The following FGF11 variants were observed in gnomAD, a reference collection of about 807,000 sequenced individuals.
FGF11 encodes the protein fibroblast growth factor 11.
FGF11 carries 25 observed loss-of-function variants against 25.1 expected under a neutral mutation model. The observed-to-expected ratio is 1.00, with a 90% CI of 0.73 to 1.39. The LOEUF (loss-of-function observed/expected upper bound fraction) is 1.39. Ranked by LOEUF, FGF11 falls within the 40% of genes most tolerant of loss-of-function variation. The pLI is 0.00. For synonymous variants in FGF11, 130 were observed against 128.9 expected, an observed-to-expected ratio of 1.01 and a Z score of -0.06; for missense variants, 320 against 311.0, an observed-to-expected ratio of 1.03 and a Z score of -0.22.
rs200684010 is a variant in FGF11, at chr17:7,442,705, G to A, written c.520G>A (p.Gly174Ser). 6.8e-6 allele frequency: 11 copies of A among 1,614,084 alleles called. No individual in the cohort carries two copies. Among genetic ancestry groups the A allele is most frequent in the Admixed American group, 5.0e-5 (3 of 60,008 alleles). Residue 174 changes from glycine (G) to serine (S), a missense_variant, in exon 4 of 5, where the codon GGC becomes AGC. Gly to Ser is a moderately conservative substitution (Grantham distance 56). Coordinates refer to ENST00000293829, the MANE Select transcript of FGF11 (RefSeq NM_004112.4). ...QRRSGRAWYL[G>S]LDKEGQVMKG... Reference sequence around the variant, plus strand: ...TCGTTCTGGCCGGGCCTGGTACCTCGGCCTGGACAAGGAGGGCCAGGTCAT... The same window carrying A: ...TCGTTCTGGCCGGGCCTGGTACCTCAGCCTGGACAAGGAGGGCCAGGTCAT...
At chr17:7,441,359 G>T in intron 1 of FGF11, 112 bp from the exon 2 acceptor site, 1 of 1,446,028 alleles carries the variant, frequency 6.9e-7, no homozygotes. Flanking sequence ...CTGGGGCCCT[G>T]GGACCCTCTT....
Position 7,440,815 on chromosome 17 carries a change from T to C in FGF11, c.194-656T>C, listed in dbSNP as rs1908288293. 1 of 987,454 alleles carries C rather than the reference T, an allele frequency of 1.0e-6. No homozygotes were observed. The highest frequency in any genetic ancestry group is 1.2e-6 in the Non-Finnish European group (1 of 831,304). 61.2% of individuals were successfully genotyped at this position (987,454 alleles called of 1,614,324 possible). A position where few individuals can be genotyped will look rare whatever the true frequency, so the allele number is the denominator to read the frequency against. On this transcript the variant is annotated intron_variant, in intron 1 of 4. Transcript: ENST00000293829. This position sits in a 1 kb window ranked among gnomAD's most constrained non-coding sequence, Gnocchi z 5.4. ...CCTCAGCTCCCACCCCCCATATCCT[T>C]GGTAAGGTCCCCCTTACCCCAGGCG...
chr17:7,443,414 C>T lies in FGF11; in HGVS notation c.*268C>T, dbSNP rs1405285794. Reference sequence around the variant, plus strand: ...GATCACTTCTTTCTTTCCACACTCACACAACGCCATGCCTTTTCCTGAGAT... The same window carrying T: ...GATCACTTCTTTCTTTCCACACTCATACAACGCCATGCCTTTTCCTGAGAT... On this transcript the variant is annotated 3_prime_UTR_variant, in exon 5 of 5. Coordinates refer to ENST00000293829, the MANE Select transcript of FGF11 (RefSeq NM_004112.4). 7.0e-6 allele frequency: 3 copies of T among 430,568 alleles called. No homozygotes were observed. The highest frequency in any genetic ancestry group is 5.1e-5 in the South Asian group (1 of 19,690). 26.7% of individuals were successfully genotyped at this position (430,568 alleles called of 1,614,324 possible).
At chr17:7,439,392 T>C (rs920110688), upstream of FGF11, 2 of 424,816 alleles carry the variant, frequency 4.7e-6, no homozygotes, top group African/African-American at 2.2e-5. Context: ...GAGGAGTACA[T>C]AGGCTGCTGG....
intron 3 of FGF11, 135 bp from the exon 4 acceptor site, chr17:7,442,459 T>G: frequency 1.3e-6 from 2 of 1,529,246 alleles, no homozygotes; most frequent in Non-Finnish European, 8.8e-7. Flanking sequence ...TGCTCCCAGG[T>G]CCTACATGGA....
upstream of FGF11, chr17:7,439,491 A>T: frequency 3.0e-6 from 2 of 660,746 alleles, no homozygotes; most frequent in Non-Finnish European, 4.6e-6. Context: ...GCTTATCCTC[A>T]GGTCCTGTGG....
chr17:7,441,057 T>A (rs1202271867), intron 1 of FGF11: 6 of 680,980 alleles, frequency 8.8e-6, no homozygotes, highest in African/African-American at 1.9e-5. Flanking sequence ...GGAGAGCCCC[T>A]ACCCTGTGGT....
upstream of FGF11, among the ~76,000 whole-genome samples, chr17:7,438,867 G>C (rs1300081657): frequency 6.6e-6 from 1 of 152,218 alleles, no homozygotes; most frequent in Non-Finnish European, 1.5e-5. Flanking sequence ...GGTGGATTTG[G>C]AGGTGACTTC....
rs1394665797 is a variant in FGF11 at position 7,444,436 on chromosome 17, T to A, written c.*1290T>A. Reference sequence around the variant, plus strand: ...GGACAAATGGATACAGCCTTGACCCTCCCAGTGAGGAGACCCCAATTCAGC... The same window carrying A: ...GGACAAATGGATACAGCCTTGACCCACCCAGTGAGGAGACCCCAATTCAGC... On this transcript the variant is annotated 3_prime_UTR_variant, in exon 5 of 5. Transcript: ENST00000293829. The A allele has an allele frequency of 6.5e-6, 1 of 153,044 alleles. No homozygotes were observed. The highest frequency in any genetic ancestry group is 1.5e-5 in the Non-Finnish European group (1 of 68,500). 9.5% of individuals were successfully genotyped at this position (153,044 alleles called of 1,614,324 possible). A position where few individuals can be genotyped will look rare whatever the true frequency, so the allele number is the denominator to read the frequency against.
intron 1 of FGF11, chr17:7,441,022 G>A: frequency 2.2e-6 from 2 of 922,062 alleles, no homozygotes; most frequent in Non-Finnish European, 2.6e-6. Flanking sequence ...TCAGCGTCAG[G>A]CCCAGTCCCA....
rs931322697 is a variant in FGF11 at position 7,440,457 on chromosome 17, C to T, written c.193+644C>T. 6.1e-6 allele frequency: 1 copy of T among 163,318 alleles called. No homozygotes were observed. The highest frequency in any genetic ancestry group is 2.4e-5 in the African/African-American group (1 of 41,518). 10.1% of individuals were successfully genotyped at this position (163,318 alleles called of 1,614,324 possible). A position where few individuals can be genotyped will look rare whatever the true frequency, so the allele number is the denominator to read the frequency against. On this transcript the variant is annotated intron_variant, in intron 1 of 4. Coordinates refer to ENST00000293829, the MANE Select transcript of FGF11 (RefSeq NM_004112.4). The surrounding 1 kb of genome is among the most constrained non-coding windows in gnomAD (Gnocchi z 5.4). ...CCACTCCGAAATCGGGTCCCGTAGG[C>T]TCAGGGGACCCTACGCTGGCAGGAA... is the stretch of plus-strand genomic sequence containing the variant.
intron 1 of FGF11, 192 bp from the exon 2 acceptor site, chr17:7,441,279 A>G (rs1409379267): frequency 1.5e-6 from 1 of 679,512 alleles, no homozygotes. Flanking sequence ...TAGGAAACAG[A>G]AGGGACCCAC....
chr17:7,439,900 C>T (rs765205215), intron 1 of FGF11, 87 bp downstream of exon 1: 132 of 1,155,650 alleles, frequency 1.1e-4, no homozygotes, highest in Non-Finnish European at 1.4e-4. Flanking sequence ...TAGGGCCCGG[C>T]TGAGGGGCTC....
At position 7,442,478 on chromosome 17, in the gene FGF11, T is replaced by C. The variant is rs1908372287; in HGVS notation, c.409-116T>C. 7.1e-6 allele frequency: 11 copies of C among 1,551,866 alleles called. No individual in the cohort carries two copies. The South Asian group carries it at 1.2e-4, about 17-fold the overall frequency. The stretch of plus-strand genomic sequence containing the variant: ...CCCAGGTCCTACATGGACTCAGAAG[T>C]TGTCCTCCCCCTCCCCCAAAAAGGA... On this transcript the variant is annotated intron_variant, in intron 3 of 4. Transcript: ENST00000293829.
chr17:7,441,779 A>G lies in FGF11; in HGVS notation c.308A>G (p.His103Arg). Residue 103 changes from histidine to arginine, a missense_variant, in exon 3 of 5, where the codon CAC (histidine) becomes CGC (arginine). Transcript: ENST00000293829. The part of the protein sequence containing the change: ...GTPEDTSSFT[H>R]FNLIPVGLRV... ...TGCTCCCTCTCTCCACCTGCAGCCC[A>G]CTTCAACCTGATCCCTGTGGGCCTC... is the stretch of plus-strand genomic sequence containing the variant. The G allele has an allele frequency of 6.2e-7, 1 of 1,603,680 alleles. No homozygotes were observed. Among genetic ancestry groups the G allele is most frequent in the South Asian group, 1.1e-5 (1 of 89,182 alleles).
At chr17:7,442,971 G>A (rs1006116232) in intron 4 of FGF11, 105 bp from the exon 5 acceptor site, 1 of 1,177,344 alleles carries the variant, frequency 8.5e-7, no homozygotes, top group Non-Finnish European at 1.2e-6. Context: ...TGGGGTTCTT[G>A]GAGGGTGAAT....
chr17:7,443,030 T>C, intron 4 of FGF11, 46 bp from the exon 5 acceptor site: 1 of 1,476,554 alleles, frequency 6.8e-7, no homozygotes, highest in Non-Finnish European at 9.4e-7. Context: ...TGGGTCCCTC[T>C]GTGCCTAACT....
intron 4 of FGF11, 31 bp downstream of exon 4, chr17:7,442,823 C>T: frequency 1.9e-6 from 3 of 1,604,376 alleles, no homozygotes; most frequent in East Asian, 2.2e-5. Context: ...ATGTGGGCCA[C>T]AGGAGAGGGT....
Position 7,442,709 on chromosome 17 carries a change from T to C in FGF11, c.524T>C (p.Leu175Pro). 6.2e-7 allele frequency: 1 copy of C among 1,614,164 alleles called. No homozygotes were observed. Among genetic ancestry groups the C allele is most frequent in the Non-Finnish European group, 8.5e-7 (1 of 1,180,010 alleles). The part of the protein sequence containing the change: ...RRSGRAWYLG[L>P]DKEGQVMKGN... ...TCTGGCCGGGCCTGGTACCTCGGCC[T>C]GGACAAGGAGGGCCAGGTCATGAAG... Residue 175 changes from leucine (L) to proline (P), a missense_variant, in exon 4 of 5, where the codon CTG (leucine) becomes CCG (proline). Physicochemically the swap from Leu to Pro is moderately conservative, Grantham distance 98 (BLOSUM62 -3). Coordinates refer to ENST00000293829, the MANE Select transcript of FGF11 (RefSeq NM_004112.4).
Sources: gnomAD v4.1 joint callset for allele counts (sites outside exome capture counted in the v4.1 genomes callset) on GRCh38, gnomAD v4.1.1 for gene constraint, Gnocchi (gnomAD v3.1) non-coding constraint, MANE v1.5 for transcripts, NCBI Gene and HGNC (gene_info 2026-07-23, HGNC 2026-07-21) for gene names.